Variants in DCAF1 observed in about 807,000 individuals in gnomAD.
The protein encoded by DCAF1 is DDB1- and CUL4-associated factor 1.
Under a neutral mutation model 128.0 loss-of-function variants are expected in DCAF1, and 15 were observed. The ratio of observed to expected loss-of-function variants is 0.12; its 90% CI spans 0.08 to 0.18. DCAF1 has a LOEUF of 0.18. Ranked by LOEUF, DCAF1 falls within the 10% of genes least tolerant of loss-of-function variation. The pLI is 1.00. For synonymous variants in DCAF1, 610 were observed against 603.0 expected (o/e 1.01, Z -0.17); for missense variants, 988 against 1,649.5 (o/e 0.60, Z 6.95).
intron 2 of DCAF1, among the ~76,000 whole-genome samples, chr3:51,484,848 A>C (rs1553654613): frequency 1.3e-5 from 2 of 149,894 alleles, no homozygotes; most frequent in African/African-American, 4.9e-5. Context: ...ATGCCTGGCT[A>C]ATTTTTGTAC....
At chr3:51,428,623 T>C (rs1700111785) in intron 12 of DCAF1, among the ~76,000 whole-genome samples, 2 of 152,164 alleles carry the variant, frequency 1.3e-5, no homozygotes, top group Admixed American at 1.3e-4. Context: ...TCCACAATGA[T>C]AGTGAAGTGG....
At position 51,441,911 on chromosome 3, in the gene DCAF1, ATTGG is replaced by A. The variant is rs1553638934; in HGVS notation, c.514-18_514-15del. On this transcript the variant is annotated splice_polypyrimidine_tract_variant and intron_variant, in intron 7 of 24. Transcript: ENST00000684031. ...CACTATTGCCACCTATCAACAGATA[ATTGG>A]AGAAAAAGGGGGTGCCTCTTTATTA... The A allele has an allele frequency of 2.5e-6, 4 of 1,568,904 alleles. No homozygotes were observed. Among genetic ancestry groups the A allele is most frequent in the Admixed American group, 4.0e-5 (2 of 50,096 alleles).
chr3:51,395,903 G>GT (rs112066805), downstream of DCAF1: 16 of 413,436 alleles, frequency 3.9e-5, no homozygotes, highest in East Asian at 7.1e-5. Context: ...GCCTGTTTTT[G>GT]TTTTTTTACT....
chr3:51,449,767 A>G (rs1702184336), intron 6 of DCAF1, among the ~76,000 whole-genome samples: 1 of 152,206 alleles, frequency 6.6e-6, no homozygotes, highest in South Asian at 2.1e-4. Flanking sequence ...GGTCAAGAAT[A>G]AAAGAGAGGA....
At chr3:51,412,509 G>A (rs782055100) in intron 22 of DCAF1, 29 bp from the exon 23 acceptor site, 1 of 1,613,180 alleles carries the variant, frequency 6.2e-7, no homozygotes, top group Non-Finnish European at 8.5e-7. Flanking sequence ...TCCATAAGGA[G>A]CAGTTACTTT....
intron 23 of DCAF1, among the ~76,000 whole-genome samples, chr3:51,409,953 C>A (rs887744365): frequency 6.6e-6 from 1 of 152,188 alleles, no homozygotes; most frequent in East Asian, 1.9e-4. Context: ...ACAAATAAAT[C>A]AAAGATTTCA....
At chr3:51,455,524 T>A (rs1335995207) in intron 6 of DCAF1, among the ~76,000 whole-genome samples, 1 of 152,090 alleles carries the variant, frequency 6.6e-6, no homozygotes, top group South Asian at 2.1e-4. Context: ...GAGAACAGCT[T>A]AAGCCCAGGA....
At position 51,451,069 on chromosome 3, in the gene DCAF1, C is replaced by CTTTTTTTT. The variant is rs1167474829; in HGVS notation, c.376-7174_376-7167dup. On this transcript the variant is annotated intron_variant, in intron 6 of 24. Transcript: ENST00000684031. ...CAATGAACAATATAAAAAGGAAATT[C>CTTTTTTTT]TTTTTTTTTTTTTTTTTTTTTTTTT... 3.9e-3 allele frequency among the ~76,000 whole-genome samples: 107 copies of CTTTTTTTT among 27,110 alleles called. 45 individuals carry two copies. Among genetic ancestry groups the CTTTTTTTT allele is most frequent in the African/African-American group, 5.4e-3 (42 of 7,738 alleles). The allele number at this position is 27,110 out of a possible 152,430, so 17.8% of individuals were successfully genotyped here. A position where few individuals can be genotyped will look rare whatever the true frequency, so the allele number is the denominator to read the frequency against.
Position 51,454,432 on chromosome 3 carries a change from T to C in DCAF1, c.375+8682A>G, listed in dbSNP as rs528588323. Among the ~76,000 whole-genome samples the C allele has an allele frequency of 3.9e-5, 6 of 152,206 alleles. No homozygotes were observed. In the South Asian group the frequency reaches 1.2e-3, roughly 32 times the overall value. ...AGTGGAGTGGAGTGGCATGATTTTA[T>C]CTCACTGCAACTTCCACCTCCTGGG... On this transcript the variant is annotated intron_variant, in intron 6 of 24. Transcript: ENST00000684031.
intron 9 of DCAF1, chr3:51,440,306 CTCTG>C (rs1701247211): frequency 3.0e-6 from 1 of 335,700 alleles, no homozygotes; most frequent in Non-Finnish European, 5.9e-6. Context: ...ACAGGCACAT[CTCTG>C]TCAATAAAAT....
chr3:51,498,268 G>T (rs1012379628), intron 1 of DCAF1, among the ~76,000 whole-genome samples: 3 of 150,222 alleles, frequency 2.0e-5, no homozygotes, highest in Non-Finnish European at 4.4e-5. Flanking sequence ...GCTGAGGCAG[G>T]AGAATCACTT....
chr3:51,471,092 G>T, intron 3 of DCAF1, 87 bp from the exon 4 acceptor site: 1 of 752,322 alleles, frequency 1.3e-6, no homozygotes, highest in Non-Finnish European at 2.1e-6. Context: ...GGTCAAGGTA[G>T]AAAATAAAAG....
chr3:51,418,591 G>T (rs1699108962), intron 16 of DCAF1, 87 bp downstream of exon 16: 2 of 1,505,576 alleles, frequency 1.3e-6, no homozygotes, highest in Non-Finnish European at 1.8e-6. Context: ...AAAAGAGAGA[G>T]CTCAATAAAG....
At position 51,420,084 on chromosome 3, in the gene DCAF1, C is replaced by A. The variant is rs1417055242; in HGVS notation, c.2886G>T (p.Glu962Asp). The change falls in exon 15 of 25, where the codon GAG becomes GAT. Residue 962 changes from glutamate to aspartate, a missense_variant. Glu to Asp is a conservative substitution (Grantham distance 45). Coordinates refer to ENST00000684031, the MANE Select transcript of DCAF1 (RefSeq NM_001387579.1). This position sits in a 1 kb window ranked among gnomAD's most constrained non-coding sequence, Gnocchi z 6.5. ...PLIGRISFIR[E>D]RPSPCNGRKI... ...TCCTGCCATTGCAGGGTGATGGCCT[C>A]TCTCTGATAAAACTGATTCTACCAA... 1.9e-6 allele frequency: 3 copies of A among 1,613,912 alleles called. No individual in the cohort carries two copies. The highest frequency in any genetic ancestry group is 3.3e-5 in the Admixed American group (2 of 60,010).
chr3:51,422,422 A>T lies in DCAF1; in HGVS notation c.1857T>A (p.Thr619=). ...CCAGGACATCCAAAGCAAAGCGCAC[A>T]GTGTCATTCCTGGACAGGAAGAATT... ...NWKTYYARND[T]VRFALDVLAI... The change falls in exon 14 of 25, where the codon ACT becomes ACA. Residue 619 remains threonine (T), a synonymous_variant. Transcript: ENST00000684031. 1.4e-6 allele frequency: 1 copy of T among 723,234 alleles called. No homozygotes were observed. The highest frequency in any genetic ancestry group is 1.5e-5 in the South Asian group (1 of 67,782). 44.8% of individuals were successfully genotyped at this position (723,234 alleles called of 1,614,324 possible).
chr3:51,493,408 G>A (rs1231681058), intron 2 of DCAF1, among the ~76,000 whole-genome samples: 1 of 151,898 alleles, frequency 6.6e-6, no homozygotes, highest in Non-Finnish European at 1.5e-5. Flanking sequence ...TTACGCCATT[G>A]CACTCCAGCC....
intron 8 of DCAF1, 42 bp from the exon 9 acceptor site, chr3:51,441,113 TTGTCA>T: frequency 6.6e-7 from 1 of 1,522,136 alleles, no homozygotes; most frequent in South Asian, 1.2e-5. Flanking sequence ...TTTGGCTTTA[TTGTCA>T]TGTATTTCCT....
intron 1 of DCAF1, among the ~76,000 whole-genome samples, chr3:51,499,397 CGA>C (rs1307580830): frequency 6.6e-6 from 1 of 152,042 alleles, no homozygotes; most frequent in African/African-American, 2.4e-5. Flanking sequence ...GGCACGAGGC[CGA>C]GAGACGGGAG....
At chr3:51,459,270 T>C (rs1273475141) in intron 6 of DCAF1, among the ~76,000 whole-genome samples, 2 of 152,160 alleles carry the variant, frequency 1.3e-5, no homozygotes, top group Non-Finnish European at 2.9e-5. Context: ...CAGAGAATAC[T>C]ATAAACACCT....
Sources: allele counts gnomAD v4.1 joint callset (sites outside exome capture counted in the v4.1 genomes callset), GRCh38; gene constraint gnomAD v4.1.1; non-coding constraint Gnocchi (gnomAD v3.1); transcripts MANE v1.5; gene names NCBI Gene and HGNC (gene_info 2026-07-23, HGNC 2026-07-21).